Variants in CPLANE1 observed in about 807,000 individuals in gnomAD.
The protein encoded by CPLANE1 is ciliogenesis and planar polarity effector complex subunit 1.
In CPLANE1, 263 loss-of-function variants were observed where a neutral mutation model predicts 362.5. That is an observed-to-expected ratio of 0.73 (90% CI 0.66 to 0.80). The LOEUF (loss-of-function observed/expected upper bound fraction) is 0.80. CPLANE1 is among the 30% of genes least tolerant of loss of function. The pLI is 0.00. For synonymous variants in CPLANE1, 1,212 were observed against 1,302.6 expected (o/e 0.93, Z 1.50); for missense variants, 3,461 against 3,793.4 (o/e 0.91, Z 2.30).
At chr5:37,077,652 T>G in the CPLANE1 span, among the ~76,000 whole-genome samples, 2 of 135,428 alleles carry the variant, frequency 1.5e-5, no homozygotes. Flanking sequence ...CTCGCTCTGT[T>G]ACCCAGGCTG....
At chr5:37,139,998 C>T in intron 44 of CPLANE1, 1 of 954,368 alleles carries the variant, frequency 1.0e-6, no homozygotes, top group South Asian at 4.8e-5. Flanking sequence ...CTCTGGTGAT[C>T]TGAAAGTAAT....
chr5:37,228,918 T>C (rs192851445), intron 9 of CPLANE1, among the ~76,000 whole-genome samples: 41 of 152,306 alleles, frequency 2.7e-4, no homozygotes, highest in African/African-American at 8.9e-4. Flanking sequence ...AAAAATACTT[T>C]CACTGCAGGA....
chr5:37,116,706 C>T (rs1351805893), intron 50 of CPLANE1, among the ~76,000 whole-genome samples: 1 of 151,976 alleles, frequency 6.6e-6, no homozygotes. Context: ...TAGAAAGCAA[C>T]ATAGAGTCAA....
intron 17 of CPLANE1, among the ~76,000 whole-genome samples, chr5:37,205,803 T>C (rs896207119): frequency 2.6e-5 from 4 of 152,134 alleles, no homozygotes; most frequent in Non-Finnish European, 5.9e-5. Context: ...AGCCTTGACC[T>C]CCCGCGCTCA....
At chr5:37,228,531 T>C (rs1447604583) in intron 9 of CPLANE1, among the ~76,000 whole-genome samples, 1 of 152,174 alleles carries the variant, frequency 6.6e-6, no homozygotes, top group East Asian at 1.9e-4. Context: ...TTAAAAATAA[T>C]GCCTAACATG....
chr5:37,174,604 C>T (rs893780879), intron 31 of CPLANE1, among the ~76,000 whole-genome samples: 2 of 151,738 alleles, frequency 1.3e-5, no homozygotes, highest in African/African-American at 4.8e-5. Context: ...TGGGGGATGA[C>T]TCCTCAAACA....
In CPLANE1 at chr5:37,125,318, T is replaced by A; in HGVS notation, c.8884A>T (p.Met2962Leu). Residue 2962 changes from methionine (M) to leucine (L), a missense_variant, in exon 47 of 53, where the codon ATG (methionine) becomes TTG (leucine). Physicochemically the swap from Met to Leu is conservative, Grantham distance 15. Coordinates refer to ENST00000651892, the MANE Select transcript of CPLANE1 (RefSeq NM_001384732.1). ...GCCAGCTCATTTAAGTACTTTGCCA[T>A]TCTTTCTTTTCGTTTTCTTTTCATC... ...AWMKRKRKER[M>L]AKYLNELAEK... is the part of the protein sequence containing the mutation. 1 of 1,614,046 alleles carries A rather than the reference T, an allele frequency of 6.2e-7. No homozygotes were observed. The highest frequency in any genetic ancestry group is 1.1e-5 in the South Asian group (1 of 91,082).
rs1008733193 is a variant in CPLANE1, at chr5:37,218,227, C to T, written c.2746+3097G>A. Among the ~76,000 whole-genome samples the T allele has an allele frequency of 5.3e-5, 8 of 152,192 alleles. No individual in the cohort carries two copies. The South Asian group carries it at 1.0e-3, about 20-fold the overall frequency. On this transcript the variant is annotated intron_variant, in intron 15 of 52. Coordinates refer to ENST00000651892, the MANE Select transcript of CPLANE1 (RefSeq NM_001384732.1). Reference sequence around the variant, plus strand: ...TAAACTGTATAAACAATGTGGTTTACGCTGAACATCTGTTTTCCCTCTGAG... The same window carrying T: ...TAAACTGTATAAACAATGTGGTTTATGCTGAACATCTGTTTTCCCTCTGAG...
At chr5:37,243,721 A>G (rs1738460826) in intron 5 of CPLANE1, among the ~76,000 whole-genome samples, 4 of 147,148 alleles carry the variant, frequency 2.7e-5, no homozygotes. Flanking sequence ...TATATAATAT[A>G]CATGTATTAT....
Position 37,142,649 on chromosome 5 carries a change from T to C in CPLANE1, c.8462-169A>G, listed in dbSNP as rs1049111396. ...ATGAATTTAATAAAAAATTTGAAGT[T>C]AAAGCTCTCCCACAGTAAATAAACA... is the stretch of plus-strand genomic sequence containing the variant. On this transcript the variant is annotated intron_variant, in intron 43 of 52. Transcript: ENST00000651892. The C allele has an allele frequency of 1.8e-5, 8 of 435,502 alleles. No homozygotes were observed. The Admixed American group carries it at 3.4e-4, about 18-fold the overall frequency. 27.0% of individuals were successfully genotyped at this position (435,502 alleles called of 1,614,324 possible). A position where few individuals can be genotyped will look rare whatever the true frequency, so the allele number is the denominator to read the frequency against.
Position 37,198,796 on chromosome 5 carries a change from C to T in CPLANE1, c.3578G>A (p.Arg1193His), listed in dbSNP as rs751692515. 2.3e-5 allele frequency: 37 copies of T among 1,614,064 alleles called. No individual in the cohort carries two copies. The highest frequency in any genetic ancestry group is 2.8e-5 in the Non-Finnish European group (33 of 1,180,014). ...NRQKVSGILQRVLLLFRAAQC... is the reference protein window; with the variant it reads ...NRQKVSGILQHVLLLFRAAQC... ...AGCCGCCCGGAAAAGCAGGAGAACA[C>T]GCTGAAGGATTCCAGATACCTTCTG... Residue 1193 changes from arginine (R) to histidine (H), a missense_variant, in exon 20 of 53, where the codon CGT becomes CAT. Arg to His is a conservative substitution (Grantham distance 29). Coordinates refer to ENST00000651892, the MANE Select transcript of CPLANE1 (RefSeq NM_001384732.1).
intron 46 of CPLANE1, among the ~76,000 whole-genome samples, chr5:37,128,007 C>T (rs1054536918): frequency 1.3e-5 from 2 of 151,560 alleles, no homozygotes; most frequent in Non-Finnish European, 2.9e-5. Context: ...GCCACTGCAC[C>T]CCAGCCTGGG....
intron 20 of CPLANE1, among the ~76,000 whole-genome samples, 190 bp downstream of exon 20, chr5:37,198,512 C>A (rs952982260): frequency 6.6e-6 from 1 of 152,020 alleles, no homozygotes; most frequent in Non-Finnish European, 1.5e-5. Context: ...TGGAACTAAC[C>A]TAGAGACCCT....
rs2150931213 is a variant in CPLANE1 at position 37,168,932 on chromosome 5, C to G, written c.7092G>C (p.Leu2364=). 3 of 1,614,098 alleles carry G rather than the reference C, an allele frequency of 1.9e-6. No homozygotes were observed. The East Asian group carries it at 6.7e-5, about 36-fold the overall frequency. ...HHSFGLPLLY[L]PLKPPNMFPS... ...GAAACATATTAGGAGGTTTAAGTGG[C>G]AGGTATAGTAACGGAAGTCCAAAGG... Residue 2364 remains leucine, a synonymous_variant, in exon 34 of 53, where the codon CTG becomes CTC. Transcript: ENST00000651892.
chr5:37,198,957 C>T lies in CPLANE1; in HGVS notation c.3508-91G>A, dbSNP rs1788362920. ...AATAAAGATAGGCTAATGAGCTGAG[C>T]ACAGTGGCTCACGCCTGTAATCCCA... On this transcript the variant is annotated intron_variant, in intron 19 of 52. Coordinates refer to ENST00000651892, the MANE Select transcript of CPLANE1 (RefSeq NM_001384732.1). The T allele has an allele frequency of 4.3e-6, 5 of 1,175,900 alleles. No homozygotes were observed. The Admixed American group carries it at 6.5e-5, about 15-fold the overall frequency. The allele number at this position is 1,175,900 out of a possible 1,614,324, so 72.8% of individuals were successfully genotyped here. A position where few individuals can be genotyped will look rare whatever the true frequency, so the allele number is the denominator to read the frequency against.
chr5:37,195,669 T>C (rs192818220), intron 21 of CPLANE1, among the ~76,000 whole-genome samples, 189 bp downstream of exon 21: 1 of 144,922 alleles, frequency 6.9e-6, no homozygotes, highest in Non-Finnish European at 1.6e-5. Context: ...TTTGTTTATA[T>C]AAGAAATTTC....
Position 37,205,072 on chromosome 5 carries a change from G to A in CPLANE1, c.3289+243C>T, listed in dbSNP as rs1221084217. The A allele has an allele frequency of 1.4e-5, 3 of 222,028 alleles. No individual in the cohort carries two copies. The East Asian group carries it at 2.7e-4, about 20-fold the overall frequency. 13.8% of individuals were successfully genotyped at this position (222,028 alleles called of 1,614,324 possible). On this transcript the variant is annotated intron_variant, in intron 18 of 52. Coordinates refer to ENST00000651892, the MANE Select transcript of CPLANE1 (RefSeq NM_001384732.1). ...CTCGGGAAGCTGAAGCAGGAGAATT[G>A]CTTGAACCCGGCAGGTAGAGTTTGC...
intron 20 of CPLANE1, among the ~76,000 whole-genome samples, chr5:37,196,252 T>C (rs910144585): frequency 6.6e-6 from 1 of 151,538 alleles, no homozygotes; most frequent in East Asian, 1.9e-4. Context: ...AAGAATTTAA[T>C]GCTATTTTTC....
rs527836330 is a variant in CPLANE1, at chr5:37,230,973, C to T, written c.1015G>A (p.Val339Ile). 8.4e-6 allele frequency: 13 copies of T among 1,551,024 alleles called. No individual in the cohort carries two copies. In the Admixed American group the frequency reaches 1.4e-4, roughly 16 times the overall value. The stretch of plus-strand genomic sequence containing the variant: ...AATTCACCTTGGCAGGTCAATAAAA[C>T]CAGAGAGCCACGTTTTAACATACAA... ...LACMLKRGSL[V>I]LLTCQGELLT... Residue 339 changes from valine (V) to isoleucine (I), a missense_variant, in exon 9 of 53, where the codon GTT (valine) becomes ATT (isoleucine). Physicochemically the swap from Val to Ile is conservative, Grantham distance 29 (BLOSUM62 3). Coordinates refer to ENST00000651892, the MANE Select transcript of CPLANE1 (RefSeq NM_001384732.1).
Sources: allele counts gnomAD v4.1 joint callset (sites outside exome capture counted in the v4.1 genomes callset), GRCh38; gene constraint gnomAD v4.1.1; transcripts MANE v1.5; gene names NCBI Gene and HGNC (gene_info 2026-07-23, HGNC 2026-07-21).